PAX3: variants seen among roughly 807,000 people sequenced by gnomAD.
PAX3 encodes the protein paired box protein Pax-3.
PAX3 carries 14 observed loss-of-function variants against 51.6 expected under a neutral mutation model. The ratio of observed to expected loss-of-function variants is 0.27; its 90% CI spans 0.18 to 0.42. PAX3 has a LOEUF of 0.42. PAX3 is among the 10% of genes least tolerant of loss of function. PAX3 has a pLI of 1.00. For synonymous variants in PAX3, 280 were observed against 253.4 expected (o/e 1.11, Z -1.00); for missense variants, 540 against 642.8 (o/e 0.84, Z 1.73).
At chr2:222,222,880 T>G (rs563107425) in intron 5 of PAX3, among the ~76,000 whole-genome samples, 1 of 152,304 alleles carries the variant, frequency 6.6e-6, no homozygotes, top group South Asian at 2.1e-4. Flanking sequence ...AGGAAAACTC[T>G]AAAGTGGAAG....
intron 4 of PAX3, among the ~76,000 whole-genome samples, chr2:222,240,614 C>T (rs1176147060): frequency 6.6e-6 from 1 of 152,162 alleles, no homozygotes; most frequent in Non-Finnish European, 1.5e-5. Context: ...TTTTCAACCA[C>T]TCATACAAGC....
intron 4 of PAX3, among the ~76,000 whole-genome samples, chr2:222,256,730 ATGTTATGC>A (rs1693661080): frequency 6.6e-6 from 1 of 152,174 alleles, no homozygotes; most frequent in South Asian, 2.1e-4. Flanking sequence ...AGTATTTTTC[ATGTTATGC>A]TTCAATGACA....
At chr2:222,215,290 T>C (rs1421955978) in intron 7 of PAX3, among the ~76,000 whole-genome samples, 1 of 152,168 alleles carries the variant, frequency 6.6e-6, no homozygotes, top group Non-Finnish European at 1.5e-5. Flanking sequence ...AAATGTGTTT[T>C]AGGTTTTACC....
At chr2:222,284,608 TGTGC>T (rs1045205535) in intron 4 of PAX3, among the ~76,000 whole-genome samples, 19 of 53,968 alleles carry the variant, frequency 3.5e-4, no homozygotes, top group East Asian at 1.7e-3. Flanking sequence ...TGTGTGTCTG[TGTGC>T]GTGTGTGTGT....
chr2:222,225,976 A>G (rs1250958259), intron 5 of PAX3, among the ~76,000 whole-genome samples: 2 of 152,112 alleles, frequency 1.3e-5, no homozygotes, highest in Non-Finnish European at 2.9e-5. Context: ...CTTAGGTCAA[A>G]TTTGCTTCCA....
chr2:222,214,289 A>T (rs1169386061), intron 7 of PAX3: 1 of 152,232 alleles, frequency 6.6e-6, no homozygotes, highest in African/African-American at 2.4e-5. Flanking sequence ...ATTGAAATCT[A>T]ATTTGAAATG....
intron 4 of PAX3, among the ~76,000 whole-genome samples, chr2:222,292,860 C>A (rs979667322): frequency 1.3e-5 from 2 of 151,978 alleles, no homozygotes; most frequent in East Asian, 3.9e-4. Context: ...TCTTTGATTT[C>A]TTGTGTGCAT....
chr2:222,260,265 T>C (rs17344243), intron 4 of PAX3, among the ~76,000 whole-genome samples: 21,106 of 151,524 alleles, frequency 0.14, 1,727 homozygotes, highest in Non-Finnish European at 0.18. Flanking sequence ...AAAAAAAAAC[T>C]ATAGAAAAAT....
chr2:222,267,321 G>A (rs776768950), intron 4 of PAX3, among the ~76,000 whole-genome samples: 6 of 152,112 alleles, frequency 3.9e-5, no homozygotes, highest in Non-Finnish European at 7.4e-5. Flanking sequence ...CCCTTTGCAC[G>A]TCACTGATTG....
At chr2:222,211,565 A>G (rs1041316202) in intron 7 of PAX3, among the ~76,000 whole-genome samples, 2 of 152,186 alleles carry the variant, frequency 1.3e-5, no homozygotes, top group Admixed American at 1.3e-4. Context: ...GTGTTGAGAC[A>G]GAAGACACCA....
intron 4 of PAX3, among the ~76,000 whole-genome samples, chr2:222,240,174 C>T (rs1238683332): frequency 6.6e-6 from 1 of 152,146 alleles, no homozygotes; most frequent in East Asian, 1.9e-4. Context: ...ATATGGCCGG[C>T]CACGGGGGCA....
At chr2:222,295,222 A>C (rs1480223777) in intron 3 of PAX3, among the ~76,000 whole-genome samples, 1 of 152,014 alleles carries the variant, frequency 6.6e-6, no homozygotes, top group Non-Finnish European at 1.5e-5. Context: ...TTCTCTTTAA[A>C]AGGGAACATC....
rs1024511359 is a variant in PAX3 at position 222,275,378 on chromosome 2, C to CA, written c.586+18788dup. On this transcript the variant is annotated intron_variant, in intron 4 of 8. Transcript: ENST00000392070. The stretch of plus-strand genomic sequence containing the variant: ...TTGAGCCATAGATATCAGGTATATA[C>CA]AAAAAATTATGCATGCAAATATTAG... Among the ~76,000 whole-genome samples, 10 of 151,722 alleles carry CA rather than the reference C, an allele frequency of 6.6e-5. No individual in the cohort carries two copies. The South Asian group carries it at 2.1e-3, about 32-fold the overall frequency.
chr2:222,294,949 AAT>A (rs1178427966), intron 3 of PAX3, among the ~76,000 whole-genome samples: 2 of 151,906 alleles, frequency 1.3e-5, no homozygotes, highest in Admixed American at 6.6e-5. Context: ...CATGCTCTGA[AAT>A]ATGTTTCTCA....
rs758136826 is a variant in PAX3, at chr2:222,220,147, G to A, written c.1166C>T (p.Ser389Leu). The change falls in exon 7 of 9, where the codon TCA (serine) becomes TTA (leucine). Residue 389 changes from serine (S) to leucine (L), a missense_variant. Ser to Leu is a moderately radical substitution (Grantham distance 145). Around this residue, in one of 3 missense-constraint regions of PAX3, gnomAD observed 427 missense variants for 483.6 expected, o/e 0.88. Transcript: ENST00000392070. ...TAGAAACACGGGACTGACCTGAGGT[G>A]AGAGGCCATTGCCAATGGTGGGGTT... ...PMNPTIGNGL[S>L]PQVMGLLTNH... The A allele has an allele frequency of 5.6e-6, 9 of 1,613,128 alleles. No individual in the cohort carries two copies. In the African/African-American group the frequency reaches 9.3e-5, roughly 17 times the overall value.
chr2:222,293,616 T>C, intron 4 of PAX3: 1 of 1,612,424 alleles, frequency 6.2e-7, no homozygotes, highest in Middle Eastern at 1.7e-4. Context: ...GAAAATCAAC[T>C]TCAAACAAAT....
At chr2:222,249,713 C>G (rs1693356146) in intron 4 of PAX3, among the ~76,000 whole-genome samples, 1 of 152,166 alleles carries the variant, frequency 6.6e-6, no homozygotes, top group Non-Finnish European at 1.5e-5. Flanking sequence ...CGGGGTCCCG[C>G]AGTTCTCTCC....
chr2:222,295,466 G>A (rs1574767450), intron 3 of PAX3, 62 bp downstream of exon 3: 3 of 1,590,554 alleles, frequency 1.9e-6, no homozygotes, highest in South Asian at 2.2e-5. Context: ...CGTCTGGGTC[G>A]ACGTGCCGGG....
At position 222,285,953 on chromosome 2, in the gene PAX3, C is replaced by T. The variant is rs1318978321; in HGVS notation, c.586+8214G>A. On this transcript the variant is annotated intron_variant, in intron 4 of 8. Coordinates refer to ENST00000392070, the MANE Select transcript of PAX3 (RefSeq NM_181458.4). ...GCATTTTGATCAGCTATTTTTTTTT[C>T]CTGAAACGGAGTCTCGCTCTGTCAT... Among the ~76,000 whole-genome samples the T allele has an allele frequency of 2.0e-5, 3 of 151,584 alleles. No individual in the cohort carries two copies. The East Asian group carries it at 5.8e-4, about 29-fold the overall frequency.
Sources: allele counts gnomAD v4.1 joint callset (sites outside exome capture counted in the v4.1 genomes callset), GRCh38; gene constraint gnomAD v4.1.1; regional missense constraint gnomAD v4.1.1; transcripts MANE v1.5; gene names NCBI Gene and HGNC (gene_info 2026-07-23, HGNC 2026-07-21).